Variants in TKTL1 observed in about 807,000 individuals in gnomAD.
The protein encoded by TKTL1 is transketolase-like protein 1.
A neutral mutation model predicts 39.3 loss-of-function variants in TKTL1; 1 was observed. That is an observed-to-expected ratio of 0.03 (90% CI 0.01 to 0.12). TKTL1 has a LOEUF of 0.12. Among genes scored for constraint, TKTL1 ranks in the 10% least tolerant of loss-of-function variants. TKTL1 has a pLI of 1.00. For synonymous variants in TKTL1, 262 were observed against 193.8 expected, an observed-to-expected ratio of 1.35 and a Z score of -2.92; for missense variants, 575 against 509.6, an observed-to-expected ratio of 1.13 and a Z score of -1.24.
chrX:154,323,481 C>A, intron 9 of TKTL1, 144 bp downstream of exon 9: 1 of 714,065 alleles, frequency 1.4e-6, no homozygotes, highest in Non-Finnish European at 2.0e-6. Flanking sequence ...ACAAAAAAAA[C>A]AGGAGATTAT....
intron 1 of TKTL1, among the ~76,000 whole-genome samples, chrX:154,299,821 C>G (rs1231704503): frequency 9.0e-6 from 1 of 111,665 alleles, no homozygotes; most frequent in Non-Finnish European, 1.9e-5. Flanking sequence ...ACACCACCTT[C>G]TTTATCCACT....
At chrX:154,296,775 G>A (rs1460758972) in intron 1 of TKTL1, among the ~76,000 whole-genome samples, 1 of 111,504 alleles carries the variant, frequency 9.0e-6, no homozygotes, top group Non-Finnish European at 1.9e-5. Flanking sequence ...AGCACTTTGG[G>A]AGGCCGAGGC....
Position 154,321,051 on chromosome X carries a change from A to G in TKTL1, c.1186+138A>G, listed in dbSNP as rs1182765757. The G allele has an allele frequency of 1.5e-5, 11 of 738,431 alleles. No homozygotes were observed. In the African/African-American group the frequency reaches 2.2e-4, roughly 15 times the overall value. The allele number at this position is 738,431 out of a possible 1,213,427, so 60.9% of individuals were successfully genotyped here. Reference sequence around the variant, plus strand: ...CAAGCCTTTTTCTTGAAAAAGCCATATTGTACTTTAAAAGTGTCAGACTCT... The same window carrying G: ...CAAGCCTTTTTCTTGAAAAAGCCATGTTGTACTTTAAAAGTGTCAGACTCT... On this transcript the variant is annotated intron_variant, in intron 8 of 12. Coordinates refer to ENST00000369915, the MANE Select transcript of TKTL1 (RefSeq NM_012253.4).
intron 5 of TKTL1, 150 bp downstream of exon 5, chrX:154,311,388 C>T (rs2067356541): frequency 1.5e-5 from 12 of 779,980 alleles, no homozygotes; most frequent in East Asian, 9.7e-5. Flanking sequence ...CTCCTGCTCT[C>T]TTATTTTCAC....
At chrX:154,300,676 T>A (rs1274108826) in intron 1 of TKTL1, among the ~76,000 whole-genome samples, 1 of 110,487 alleles carries the variant, frequency 9.1e-6, no homozygotes, top group African/African-American at 3.3e-5. Flanking sequence ...TTTGGATGAG[T>A]CTTTAGGATT....
chrX:154,328,728 G>A (rs1033601924), intron 12 of TKTL1, among the ~76,000 whole-genome samples: 1 of 110,839 alleles, frequency 9.0e-6, no homozygotes, highest in African/African-American at 3.3e-5. Flanking sequence ...GGAGCATTGA[G>A]TGTTCATGCG....
intron 2 of TKTL1, among the ~76,000 whole-genome samples, chrX:154,305,910 T>C (rs959623282): frequency 1.8e-5 from 2 of 111,550 alleles, no homozygotes; most frequent in African/African-American, 3.3e-5. Flanking sequence ...TGAAGTATCA[T>C]GGGTGATAGG....
intron 7 of TKTL1, among the ~76,000 whole-genome samples, chrX:154,316,768 G>T (rs1557169437): frequency 2.8e-5 from 3 of 106,832 alleles, no homozygotes; most frequent in African/African-American, 1.0e-4. Context: ...TTTTTTTTTG[G>T]GGGTTTTTTT....
chrX:154,297,431 G>GT (rs2067239143), intron 1 of TKTL1, among the ~76,000 whole-genome samples: 1 of 109,923 alleles, frequency 9.1e-6, no homozygotes, highest in African/African-American at 3.3e-5. Flanking sequence ...AATTTTTTCT[G>GT]TTTTTTAGTG....
intron 2 of TKTL1, among the ~76,000 whole-genome samples, chrX:154,306,492 A>G (rs1452477789): frequency 8.9e-6 from 1 of 112,082 alleles, no homozygotes; most frequent in Non-Finnish European, 1.9e-5. Context: ...TAGAATTTAC[A>G]TGTGTACGCG....
intron 9 of TKTL1, among the ~76,000 whole-genome samples, 185 bp downstream of exon 9, chrX:154,323,522 T>A (rs2067468946): frequency 1.8e-5 from 2 of 110,802 alleles, no homozygotes; most frequent in Non-Finnish European, 3.8e-5. Context: ...TGTAAAAGAG[T>A]CCAACAGTAC....
At position 154,317,281 on chromosome X, in the gene TKTL1, G is replaced by A. The variant is rs1253420526; in HGVS notation, c.1029+1944G>A. Among the ~76,000 whole-genome samples the A allele has an allele frequency of 7.1e-5, 8 of 112,003 alleles. No individual in the cohort carries two copies. The East Asian group carries it at 2.2e-3, about 31-fold the overall frequency. ...TATTTAGTGCCATGTTGAAAGAGGT[G>A]GCTACAATGTAGAGCTTGACCAGGG... On this transcript the variant is annotated intron_variant, in intron 7 of 12. Coordinates refer to ENST00000369915, the MANE Select transcript of TKTL1 (RefSeq NM_012253.4).
intron 1 of TKTL1, among the ~76,000 whole-genome samples, chrX:154,301,763 T>G (rs782097088): frequency 4.1e-4 from 44 of 108,565 alleles, no homozygotes; most frequent in Non-Finnish European, 7.5e-4. Flanking sequence ...TTCTTTTTTT[T>G]TTTTTTTTTA....
chrX:154,303,205 A>G (rs1371326711), intron 1 of TKTL1, among the ~76,000 whole-genome samples: 1 of 98,135 alleles, frequency 1.0e-5, no homozygotes, highest in Non-Finnish European at 2.0e-5. Context: ...TTATTTATTT[A>G]TTTATTTATT....
chrX:154,308,393 T>C (rs1569550889), intron 2 of TKTL1, among the ~76,000 whole-genome samples: 1 of 110,547 alleles, frequency 9.0e-6, no homozygotes, highest in Non-Finnish European at 1.9e-5. Flanking sequence ...AAGGGAGAAA[T>C]GGAGGTGATG....
chrX:154,310,705 G>C (rs2067349805), intron 3 of TKTL1, 131 bp from the exon 4 acceptor site: 2 of 548,124 alleles, frequency 3.6e-6, no homozygotes, highest in East Asian at 6.9e-5. Flanking sequence ...GAGTTGATGA[G>C]GGAGATTGTG....
chrX:154,302,754 A>C (rs1253259542), intron 1 of TKTL1, among the ~76,000 whole-genome samples: 2 of 111,973 alleles, frequency 1.8e-5, no homozygotes, highest in Non-Finnish European at 3.8e-5. Flanking sequence ...TCCTGGACTT[A>C]GGGTGGACCC....
At chrX:154,318,966 T>A (rs1569551059) in intron 7 of TKTL1, among the ~76,000 whole-genome samples, 3 of 111,573 alleles carry the variant, frequency 2.7e-5, no homozygotes, top group Non-Finnish European at 5.6e-5. Flanking sequence ...TAAAAAATTA[T>A]AATATAGGCT....
rs980628914 is a variant in TKTL1, at chrX:154,328,039, A to G, written c.1618+81A>G. The stretch of plus-strand genomic sequence containing the variant: ...TTGGCCACATGGCATGCTCTCAGGC[A>G]TCACCTATAGTCTACCTCTCACCCA... On this transcript the variant is annotated intron_variant, in intron 12 of 12. Coordinates refer to ENST00000369915, the MANE Select transcript of TKTL1 (RefSeq NM_012253.4). 150 of 1,124,534 alleles carry G rather than the reference A, an allele frequency of 1.3e-4. No homozygotes were observed. The African/African-American group carries it at 2.5e-3, about 19-fold the overall frequency. The allele number at this position is 1,124,534 out of a possible 1,213,427, so 92.7% of individuals were successfully genotyped here. A position where few individuals can be genotyped will look rare whatever the true frequency, so the allele number is the denominator to read the frequency against.
Sources: gnomAD v4.1 joint callset for allele counts (sites outside exome capture counted in the v4.1 genomes callset) on GRCh38, gnomAD v4.1.1 for gene constraint, MANE v1.5 for transcripts, NCBI Gene and HGNC (gene_info 2026-07-23, HGNC 2026-07-21) for gene names.